Variants in RIPK4 observed in about 807,000 individuals in gnomAD.
The protein encoded by RIPK4 is receptor-interacting serine/threonine-protein kinase 4.
Under a neutral mutation model 42.9 loss-of-function variants are expected in RIPK4, and 17 were observed. That is an observed-to-expected ratio of 0.40 (90% CI 0.27 to 0.59). RIPK4 has a LOEUF of 0.59. Among genes scored for constraint, RIPK4 ranks in the 20% least tolerant of loss-of-function variants. The pLI is 0.47. For synonymous variants in RIPK4, 498 were observed against 499.1 expected (o/e 1.00, Z 0.03); for missense variants, 897 against 1,104.4 (o/e 0.81, Z 2.66).
chr21:41,740,007 C>T lies in RIPK4; in HGVS notation c.*831G>A, dbSNP rs1450115760. The T allele has an allele frequency of 2.0e-5, 3 of 152,140 alleles. No individual in the cohort carries two copies. The highest frequency in any genetic ancestry group is 4.2e-4 in the South Asian group (2 of 4,812). 9.4% of individuals were successfully genotyped at this position (152,140 alleles called of 1,614,324 possible). ...TGCACTCCAGCGACCTGAGGGGGCTCGCCTCAGTCCCCAGCACTGAGGTTA... is the reference window on the plus strand; with the variant it reads ...TGCACTCCAGCGACCTGAGGGGGCTTGCCTCAGTCCCCAGCACTGAGGTTA... On this transcript the variant is annotated 3_prime_UTR_variant, in exon 8 of 8. Coordinates refer to ENST00000332512, the MANE Select transcript of RIPK4 (RefSeq NM_020639.3).
intron 6 of RIPK4, among the ~76,000 whole-genome samples, chr21:41,744,931 C>T (rs924133694): frequency 1.3e-5 from 2 of 152,160 alleles, no homozygotes; most frequent in South Asian, 2.1e-4. Context: ...TGGAATCTGA[C>T]GGGATTTCAC....
At chr21:41,744,346 C>T (rs1160694413) in intron 6 of RIPK4, among the ~76,000 whole-genome samples, 1 of 152,134 alleles carries the variant, frequency 6.6e-6, no homozygotes, top group African/African-American at 2.4e-5. Flanking sequence ...GACGCCATGT[C>T]CACACAGCGC....
chr21:41,741,200 C>A lies in RIPK4; in HGVS notation c.1993G>T (p.Ala665Ser). ...LLLHRGAGKE[A>S]MTSDGYTALH... ...GCGGTGTAGCCGTCTGAGGTCATGGCCTCCTTGCCAGCGCCCCGATGCAGG... is the reference window on the plus strand; with the variant it reads ...GCGGTGTAGCCGTCTGAGGTCATGGACTCCTTGCCAGCGCCCCGATGCAGG... The change falls in exon 8 of 8, where the codon GCC (alanine) becomes TCC (serine). Residue 665 changes from alanine (A) to serine (S), a missense_variant. Coordinates refer to ENST00000332512, the MANE Select transcript of RIPK4 (RefSeq NM_020639.3). 6.2e-7 allele frequency: 1 copy of A among 1,609,662 alleles called. No homozygotes were observed. The highest frequency in any genetic ancestry group is 1.1e-5 in the South Asian group (1 of 90,738).
rs772103039 is a variant in RIPK4 at position 41,741,009 on chromosome 21, A to G, written c.2184T>C (p.Ile728=). 2 of 1,609,590 alleles carry G rather than the reference A, an allele frequency of 1.2e-6. No individual in the cohort carries two copies. Among genetic ancestry groups the G allele is most frequent in the Non-Finnish European group, 1.7e-6 (2 of 1,179,446 alleles). ...TGAGCCCCTGCTCGTCGAACAGGTCAATGACATCGGCGCTGACCAACTCCT... is the reference window on the plus strand; with the variant it reads ...TGAGCCCCTGCTCGTCGAACAGGTCGATGACATCGGCGCTGACCAACTCCT... ...VVEELVSADV[I]DLFDEQGLSA... is the part of the protein sequence containing the mutation. Residue 728 remains isoleucine, a synonymous_variant, in exon 8 of 8, where the codon ATT becomes ATC. Coordinates refer to ENST00000332512, the MANE Select transcript of RIPK4 (RefSeq NM_020639.3).
chr21:41,763,954 C>T (rs575186041), intron 1 of RIPK4, among the ~76,000 whole-genome samples: 5 of 152,260 alleles, frequency 3.3e-5, no homozygotes, highest in Admixed American at 2.0e-4. Flanking sequence ...CTACACCCCA[C>T]CCTAGGCCCT....
At position 41,742,679 on chromosome 21, in the gene RIPK4, A is replaced by G. The variant is rs118163022; in HGVS notation, c.1196-682T>C. Among the ~76,000 whole-genome samples, 1,935 of 152,238 alleles carry G rather than the reference A, an allele frequency of 0.013. 18 individuals carry two copies. Among genetic ancestry groups the G allele is most frequent in the Non-Finnish European group, 0.02 (1,366 of 67,994 alleles). On this transcript the variant is annotated intron_variant, in intron 7 of 7. Transcript: ENST00000332512. The surrounding 1 kb of genome is among the most constrained non-coding windows in gnomAD (Gnocchi z 5.1). ...CCGCCCTCATGTGAAACGCGTGGGG[A>G]CTTGGAAGTCGGCGGTGGGAAGGTG...
At chr21:41,756,293 A>C (rs965711906) in intron 2 of RIPK4, among the ~76,000 whole-genome samples, 3 of 152,214 alleles carry the variant, frequency 2.0e-5, no homozygotes, top group Non-Finnish European at 4.4e-5. Context: ...CCCCATGTTC[A>C]CCAAGCTACC....
rs2061181023 is a variant in RIPK4 at position 41,749,290 on chromosome 21, C to G, written c.624-87G>C. ...ATGCACAGCAACAGGCGTGAAGACACCTGTTCTGAAGCCTTCCAAAGACAG... is the reference window on the plus strand; with the variant it reads ...ATGCACAGCAACAGGCGTGAAGACAGCTGTTCTGAAGCCTTCCAAAGACAG... On this transcript the variant is annotated intron_variant, in intron 3 of 7. Transcript: ENST00000332512. 3 of 1,334,082 alleles carry G rather than the reference C, an allele frequency of 2.2e-6. No homozygotes were observed. In the East Asian group the frequency reaches 6.9e-5, roughly 31 times the overall value. The allele number at this position is 1,334,082 out of a possible 1,614,324, so 82.6% of individuals were successfully genotyped here.
intron 6 of RIPK4, 37 bp downstream of exon 6, chr21:41,745,722 G>T: frequency 1.3e-6 from 2 of 1,508,914 alleles, no homozygotes; most frequent in Non-Finnish European, 1.8e-6. Flanking sequence ...CCTGGAAGCC[G>T]AGGAGACAAA....
intron 7 of RIPK4, among the ~76,000 whole-genome samples, chr21:41,743,054 A>G (rs1368279978): frequency 6.6e-6 from 1 of 152,226 alleles, no homozygotes; most frequent in Non-Finnish European, 1.5e-5. Context: ...AAGATCCAGG[A>G]AAAGTCTTTG....
chr21:41,750,046 T>C (rs2061184093), intron 3 of RIPK4, among the ~76,000 whole-genome samples: 1 of 152,100 alleles, frequency 6.6e-6, no homozygotes, highest in South Asian at 2.1e-4. Context: ...AACTCTAAAA[T>C]AAATGGAGAG....
Position 41,751,061 on chromosome 21 carries a change from G to A in RIPK4, c.623+36C>T. ...GAAGCATTGAGGTTGAGAGCCCCTG[G>A]CACCCACAGGGGATGGGGGGCGGCA... On this transcript the variant is annotated intron_variant, in intron 3 of 7. Coordinates refer to ENST00000332512, the MANE Select transcript of RIPK4 (RefSeq NM_020639.3). This position sits in a 1 kb window ranked among gnomAD's most constrained non-coding sequence, Gnocchi z 4.5. The A allele has an allele frequency of 6.3e-7, 1 of 1,598,104 alleles. No homozygotes were observed. The highest frequency in any genetic ancestry group is 8.5e-7 in the Non-Finnish European group (1 of 1,170,588).
chr21:41,742,524 T>C lies in RIPK4; in HGVS notation c.1196-527A>G, dbSNP rs2061157909. On this transcript the variant is annotated intron_variant, in intron 7 of 7. Coordinates refer to ENST00000332512, the MANE Select transcript of RIPK4 (RefSeq NM_020639.3). The surrounding 1 kb of genome is among the most constrained non-coding windows in gnomAD (Gnocchi z 5.1). Reference sequence around the variant, plus strand: ...AGGTTAAGTCGGAAGTTTTCTATGATAATCCTGAAGGGACCGAGCTTCTCG... The same window carrying C: ...AGGTTAAGTCGGAAGTTTTCTATGACAATCCTGAAGGGACCGAGCTTCTCG... Among the ~76,000 whole-genome samples, 1 of 152,176 alleles carries C rather than the reference T, an allele frequency of 6.6e-6. No individual in the cohort carries two copies.
chr21:41,750,620 C>T (rs969383636), intron 3 of RIPK4, among the ~76,000 whole-genome samples: 2 of 152,152 alleles, frequency 1.3e-5, no homozygotes, highest in Non-Finnish European at 2.9e-5. Flanking sequence ...GCAACACTCA[C>T]AGCAAAGAAA....
chr21:41,757,245 G>T (rs1187095001), intron 1 of RIPK4, among the ~76,000 whole-genome samples: 1 of 152,180 alleles, frequency 6.6e-6, no homozygotes, highest in African/African-American at 2.4e-5. Context: ...ACTAGGCCGG[G>T]CACGGTGGCT....
intron 1 of RIPK4, among the ~76,000 whole-genome samples, chr21:41,764,122 T>G (rs1440018026): frequency 6.6e-6 from 1 of 152,152 alleles, no homozygotes; most frequent in Non-Finnish European, 1.5e-5. Context: ...AGGCACTTCC[T>G]GTCCCTGGGA....
intron 5 of RIPK4, 69 bp from the exon 6 acceptor site, chr21:41,745,931 C>A (rs571834351): frequency 5.7e-6 from 7 of 1,237,072 alleles, no homozygotes; most frequent in Non-Finnish European, 8.4e-6. Flanking sequence ...TCCATATAAA[C>A]GCAGGGCCCC....
At chr21:41,764,468 G>A (rs1215429658) in intron 1 of RIPK4, among the ~76,000 whole-genome samples, 1 of 152,172 alleles carries the variant, frequency 6.6e-6, no homozygotes, top group Non-Finnish European at 1.5e-5. Flanking sequence ...CTGTCCCTCC[G>A]AGAAGAGAAG....
At chr21:41,744,225 G>T in intron 6 of RIPK4, 85 bp from the exon 7 acceptor site, 1 of 1,371,300 alleles carries the variant, frequency 7.3e-7, no homozygotes, top group East Asian at 2.4e-5. Context: ...GAAGAGCAAG[G>T]TGGGCCACGG....
Sources: gnomAD v4.1 joint callset for allele counts (sites outside exome capture counted in the v4.1 genomes callset) on GRCh38, gnomAD v4.1.1 for gene constraint, Gnocchi (gnomAD v3.1) non-coding constraint, MANE v1.5 for transcripts, NCBI Gene and HGNC (gene_info 2026-07-23, HGNC 2026-07-21) for gene names.